RPS12: variants seen among roughly 807,000 people sequenced by gnomAD.
RPS12 encodes the protein ribosomal protein S12, also known as small ribosomal subunit protein eS12.
In RPS12, 1 loss-of-function variant was observed where a neutral mutation model predicts 17.2. The observed-to-expected ratio is 0.06, with a 90% CI of 0.02 to 0.28. The LOEUF (loss-of-function observed/expected upper bound fraction) is 0.28. Among genes scored for constraint, RPS12 ranks in the 10% least tolerant of loss-of-function variants. The probability of loss-of-function intolerance (pLI) is 1.00; values close to 1 mark genes in which losing one functional copy is unlikely to be tolerated. For synonymous variants in RPS12, 67 were observed against 54.0 expected (o/e 1.24, Z -1.06); for missense variants, 146 against 162.1 (o/e 0.90, Z 0.54).
rs1189069963 is a variant in RPS12 at position 132,814,580 on chromosome 6, C to T, written c.-71C>T. 4.0e-6 allele frequency: 3 copies of T among 758,196 alleles called. No individual in the cohort carries two copies. In the Admixed American group the frequency reaches 5.9e-5, roughly 15 times the overall value. The allele number at this position is 758,196 out of a possible 1,614,324, so 47.0% of individuals were successfully genotyped here. A position where few individuals can be genotyped will look rare whatever the true frequency, so the allele number is the denominator to read the frequency against. ...CGTGCGGATGAGGCCTCTTTCCCTG[C>T]CGCCGCCGAGTCGCGCGGAGGCGGA... On this transcript the variant is annotated 5_prime_UTR_variant, in exon 1 of 6. Transcript: ENST00000230050.
intron 3 of RPS12, 183 bp downstream of exon 3, chr6:132,815,271 C>A (rs74627356): frequency 0.029 from 21,719 of 746,406 alleles, 390 homozygotes; most frequent in Middle Eastern, 0.049. Context: ...GTGTGGGTTG[C>A]TGTTTGGAAT....
chr6:132,815,675 G>C (rs573876785), intron 3 of RPS12: 1 of 456,664 alleles, frequency 2.2e-6, no homozygotes, highest in East Asian at 6.9e-5. Flanking sequence ...AGGTTTTACA[G>C]GACAAGTTCG....
intron 3 of RPS12, chr6:132,815,755 A>G (rs760317344): frequency 8.8e-6 from 4 of 456,542 alleles, no homozygotes; most frequent in South Asian, 6.2e-5. Context: ...AGTAGGTCCT[A>G]GTATGAGTCT....
chr6:132,816,558 A>C lies in RPS12; in HGVS notation c.229A>C (p.Ile77Leu). The change falls in exon 4 of 6, where the codon ATT becomes CTT. Residue 77 changes from isoleucine (I) to leucine (L), a missense_variant. Ile to Leu is a conservative substitution (Grantham distance 5). This residue lies in a region of RPS12 where 117 missense variants were observed against 104.6 expected (regional missense o/e 1.12). Transcript: ENST00000230050. ...ALCAEHQINL[I>L]KVDDNKKLGE... The stretch of plus-strand genomic sequence containing the variant: ...TTGTGCTGAACACCAAATCAACCTA[A>C]TTAAGGTAAGGCTGCTAAGGATTGT... 1 of 1,591,106 alleles carries C rather than the reference A, an allele frequency of 6.3e-7. No homozygotes were observed. Among genetic ancestry groups the C allele is most frequent in the Non-Finnish European group, 8.5e-7 (1 of 1,170,812 alleles).
At chr6:132,816,809 A>G (rs1037542742) in intron 4 of RPS12, 151 bp from the exon 5 acceptor site, 1 of 772,830 alleles carries the variant, frequency 1.3e-6, no homozygotes, top group East Asian at 2.4e-5. Context: ...AGTGCTGTAC[A>G]TGATGACAAC....
chr6:132,816,388 C>T, intron 3 of RPS12, 73 bp from the exon 4 acceptor site: 1 of 1,114,962 alleles, frequency 9.0e-7, no homozygotes, highest in Non-Finnish European at 1.4e-6. Flanking sequence ...GCAAAGATAA[C>T]CCTCCTAAAA....
In RPS12 at chr6:132,816,507, A is replaced by C; in HGVS notation, c.178A>C (p.Met60Leu). 6.2e-7 allele frequency: 1 copy of C among 1,607,230 alleles called. No individual in the cohort carries two copies. The highest frequency in any genetic ancestry group is 8.5e-7 in the Non-Finnish European group (1 of 1,179,696). Residue 60 changes from methionine to leucine, a missense_variant, in exon 4 of 6, where the codon ATG becomes CTG. Physicochemically the swap from Met to Leu is conservative, Grantham distance 15. Around this residue, in one of 2 missense-constraint regions of RPS12, gnomAD observed 117 missense variants for 104.6 expected, o/e 1.12. Transcript: ENST00000230050. ...CVLASNCDEP[M>L]YVKLVEALCA... ...GCTTGCATCCAACTGTGATGAGCCT[A>C]TGTATGTCAAGTTGGTGGAGGCCCT...
chr6:132,816,812 ATGACAACTGGCTCCCTC>A (rs756336852), intron 4 of RPS12, 131 bp from the exon 5 acceptor site: 2 of 773,546 alleles, frequency 2.6e-6, no homozygotes, highest in Non-Finnish European at 4.7e-6. Context: ...GCTGTACATG[ATGACAACTGGCTCCCTC>A]TACTGAACTG....
At chr6:132,816,406 A>G (rs553338769) in intron 3 of RPS12, 55 bp from the exon 4 acceptor site, 4 of 1,354,306 alleles carry the variant, frequency 3.0e-6, no homozygotes, top group African/African-American at 1.4e-5. Flanking sequence ...AAATGCAAGA[A>G]TGATGGATTT....
rs1241092407 is a variant in RPS12 at position 132,816,474 on chromosome 6, C to G, written c.145C>G (p.Leu49Val). The change falls in exon 4 of 6, where the codon CTT (leucine) becomes GTT (valine). Residue 49 changes from leucine to valine, a missense_variant. By Grantham distance (32) the Leu-to-Val change is conservative. Coordinates refer to ENST00000230050, the MANE Select transcript of RPS12 (RefSeq NM_001016.4). ...TTTGAATTTCAGGCGCCAAGCCCAT[C>G]TTTGTGTGCTTGCATCCAACTGTGA... is the stretch of plus-strand genomic sequence containing the variant. ...AKALDKRQAH[L>V]CVLASNCDEP... is the part of the protein sequence containing the mutation. 2 of 1,607,512 alleles carry G rather than the reference C, an allele frequency of 1.2e-6. No homozygotes were observed. Among genetic ancestry groups the G allele is most frequent in the Non-Finnish European group, 1.7e-6 (2 of 1,177,182 alleles).
At chr6:132,817,431 A>G (rs1782088450) in intron 5 of RPS12, 49 bp from the exon 6 acceptor site, 13 of 1,220,226 alleles carry the variant, frequency 1.1e-5, no homozygotes, top group Non-Finnish European at 1.6e-5. Flanking sequence ...GCTTGGTGAA[A>G]TTCCTAAATA....
rs893713018 is a variant in RPS12, at chr6:132,816,337, G to T, written c.132-124G>T. ...CTCAAGCAATTTTGTACGCATTTAT[G>T]TGTTCAGTGGATTGGCTGCTTATGT... is the stretch of plus-strand genomic sequence containing the variant. On this transcript the variant is annotated intron_variant, in intron 3 of 5. Coordinates refer to ENST00000230050, the MANE Select transcript of RPS12 (RefSeq NM_001016.4). 2.4e-5 allele frequency: 16 copies of T among 678,194 alleles called. 1 individual carries two copies. The highest frequency in any genetic ancestry group is 2.1e-4 in the Admixed American group (9 of 42,506). 42.0% of individuals were successfully genotyped at this position (678,194 alleles called of 1,614,324 possible).
chr6:132,814,985 G>A lies in RPS12; in HGVS notation c.28G>A (p.Gly10Ser). The part of the protein sequence containing the change: MAEEGIAAG[G>S]VMDVNTALQE... ...GTCGCGTTTAAGCATTGCTGCTGGA[G>A]GTGTAATGGACGTTAATACTGCTTT... Residue 10 changes from glycine to serine, a missense_variant, in exon 3 of 6, where the codon GGT becomes AGT. Coordinates refer to ENST00000230050, the MANE Select transcript of RPS12 (RefSeq NM_001016.4). 2 of 1,608,584 alleles carry A rather than the reference G, an allele frequency of 1.2e-6. No individual in the cohort carries two copies. Among genetic ancestry groups the A allele is most frequent in the Non-Finnish European group, 8.5e-7 (1 of 1,174,960 alleles).
intron 3 of RPS12, chr6:132,815,946 T>G (rs1163920282): frequency 1.5e-5 from 7 of 453,802 alleles, no homozygotes; most frequent in Non-Finnish European, 3.1e-5. Context: ...CAAGCGATTC[T>G]TCTGCCTCCC....
intron 4 of RPS12, 31 bp from the exon 5 acceptor site, chr6:132,816,927 GAT>G (rs1491187293): frequency 1.6e-6 from 2 of 1,282,944 alleles, no homozygotes; most frequent in East Asian, 2.3e-5. Context: ...CTATTAATGT[GAT>G]TTTTTTTTTT....
rs146445896 is a variant in RPS12, at chr6:132,814,617, A to T, written c.-38+4A>T. The T allele has an allele frequency of 3.0e-3, 2,887 of 953,532 alleles. 7 individuals are homozygous for T. The highest frequency in any genetic ancestry group is 4.0e-3 in the Non-Finnish European group (2,364 of 594,740). The allele number at this position is 953,532 out of a possible 1,614,324, so 59.1% of individuals were successfully genotyped here. A position where few individuals can be genotyped will look rare whatever the true frequency, so the allele number is the denominator to read the frequency against. On this transcript the variant is annotated splice_donor_region_variant and intron_variant, in intron 1 of 5. Coordinates refer to ENST00000230050, the MANE Select transcript of RPS12 (RefSeq NM_001016.4). ...CGCGCGGAGGCGGAGGCTTGGGGTA[A>T]GTTGAGCGAGGCGGCAGGGGGGTGT...
At chr6:132,815,250 C>A in intron 3 of RPS12, 162 bp downstream of exon 3, 1 of 748,586 alleles carries the variant, frequency 1.3e-6, no homozygotes. Context: ...TCTATAAAGC[C>A]CACTTAAAAT....
At chr6:132,816,867 C>A in intron 4 of RPS12, 93 bp from the exon 5 acceptor site, 1 of 889,346 alleles carries the variant, frequency 1.1e-6, no homozygotes, top group Non-Finnish European at 1.9e-6. Context: ...TGTCACCCTT[C>A]TGATTACAGC....
chr6:132,816,471 C>T lies in RPS12; in HGVS notation c.142C>T (p.His48Tyr), dbSNP rs1343999586. Reference sequence around the variant, plus strand: ...TAATTTGAATTTCAGGCGCCAAGCCCATCTTTGTGTGCTTGCATCCAACTG... The same window carrying T: ...TAATTTGAATTTCAGGCGCCAAGCCTATCTTTGTGTGCTTGCATCCAACTG... ...AAKALDKRQA[H>Y]LCVLASNCDE... The change falls in exon 4 of 6, where the codon CAT becomes TAT. Residue 48 changes from histidine to tyrosine, a missense_variant. Transcript: ENST00000230050. 7 of 1,607,848 alleles carry T rather than the reference C, an allele frequency of 4.4e-6. No homozygotes were observed. In the Middle Eastern group the frequency reaches 4.9e-4, roughly 113 times the overall value.
Sources: allele counts gnomAD v4.1 joint callset, GRCh38; gene constraint gnomAD v4.1.1; regional missense constraint gnomAD v4.1.1; transcripts MANE v1.5; gene names NCBI Gene and HGNC (gene_info 2026-07-23, HGNC 2026-07-21).